The following CREBBP variants were observed in gnomAD, a reference collection of about 807,000 sequenced individuals.
CREBBP encodes the protein CREB-binding protein.
In CREBBP, 19 loss-of-function variants were observed where a neutral mutation model predicts 265.0. The ratio of observed to expected loss-of-function variants is 0.07; its 90% CI spans 0.05 to 0.11. CREBBP has a LOEUF of 0.11. Ranked by LOEUF, CREBBP falls within the 10% of genes least tolerant of loss-of-function variation. The pLI is 1.00. For missense variants in CREBBP, 2,525 were observed against 3,219.0 expected (o/e 0.78, Z 5.22); for synonymous variants, 1,457 against 1,223.7 (o/e 1.19, Z -3.98).
intron 21 of CREBBP, among the ~76,000 whole-genome samples, chr16:3,749,260 T>C (rs1240516103): frequency 6.6e-6 from 1 of 152,234 alleles, no homozygotes; most frequent in Non-Finnish European, 1.5e-5. Context: ...CTTTCTGGTA[T>C]TTCCCTTTAA....
chr16:3,757,917 A>G lies in CREBBP; in HGVS notation c.3501T>C (p.Tyr1167=), dbSNP rs2052624215. The G allele has an allele frequency of 6.2e-7, 1 of 1,614,024 alleles. No homozygotes were observed. The highest frequency in any genetic ancestry group is 8.5e-7 in the Non-Finnish European group (1 of 1,180,034). ...TATAGACTCGGGATGTCTTGCGATT[A>G]TAGAGCCAGGCATTGTTGAACATGA... ...VWLMFNNAWL[Y]NRKTSRVYKF... Residue 1167 remains tyrosine (Y), a synonymous_variant, in exon 18 of 31, where the codon TAT becomes TAC. Transcript: ENST00000262367.
intron 16 of CREBBP, among the ~76,000 whole-genome samples, chr16:3,761,102 G>A (rs1165926846): frequency 6.6e-6 from 1 of 152,020 alleles, no homozygotes; most frequent in East Asian, 1.9e-4. Context: ...TTACAGGCAT[G>A]CACCACCACA....
intron 3 of CREBBP, among the ~76,000 whole-genome samples, chr16:3,809,036 C>A (rs1256130936): frequency 6.6e-6 from 1 of 152,018 alleles, no homozygotes. Context: ...ACAGGACAAT[C>A]CTGGCAACAA....
chr16:3,838,383 C>A (rs972181085), intron 2 of CREBBP, among the ~76,000 whole-genome samples: 1 of 152,134 alleles, frequency 6.6e-6, no homozygotes, highest in Non-Finnish European at 1.5e-5. Flanking sequence ...ATAACATAAT[C>A]ACTTAATGAT....
intron 1 of CREBBP, among the ~76,000 whole-genome samples, chr16:3,871,456 C>G (rs769236945): frequency 2.6e-5 from 4 of 152,192 alleles, no homozygotes; most frequent in African/African-American, 7.2e-5. Flanking sequence ...ATATTTTAAT[C>G]CAAAGCAACT....
rs1596809970 is a variant in CREBBP, at chr16:3,738,496, A to C, written c.4394+63T>G. 5 of 984,478 alleles carry C rather than the reference A, an allele frequency of 5.1e-6. No individual in the cohort carries two copies. The East Asian group carries it at 1.2e-4, about 24-fold the overall frequency. The allele number at this position is 984,478 out of a possible 1,614,324, so 61.0% of individuals were successfully genotyped here. A position where few individuals can be genotyped will look rare whatever the true frequency, so the allele number is the denominator to read the frequency against. On this transcript the variant is annotated intron_variant, in intron 26 of 30. Transcript: ENST00000262367. ...ACTTAAAATACCCATTATTTCACGG[A>C]ATAAACATACAGTAAAAAATAAAGG...
intron 3 of CREBBP, among the ~76,000 whole-genome samples, chr16:3,794,439 T>C (rs1040220123): frequency 2.0e-5 from 3 of 151,204 alleles, no homozygotes; most frequent in Non-Finnish European, 4.4e-5. Flanking sequence ...AGCCACCTTT[T>C]GGATTTCATT....
At chr16:3,879,378 G>A (rs1407449389) in intron 1 of CREBBP, among the ~76,000 whole-genome samples, 2 of 152,196 alleles carry the variant, frequency 1.3e-5, no homozygotes, top group African/African-American at 4.8e-5. Context: ...TCTGAATGCA[G>A]CCTGGTCAAT....
At chr16:3,759,601 C>G (rs762252192) in intron 16 of CREBBP, among the ~76,000 whole-genome samples, 2 of 129,902 alleles carry the variant, frequency 1.5e-5, no homozygotes, top group East Asian at 5.1e-4. Context: ...AAAAAAAAGA[C>G]CATTTCATTG....
intron 28 of CREBBP, among the ~76,000 whole-genome samples, chr16:3,733,594 G>C (rs2051975163): frequency 6.6e-6 from 1 of 152,160 alleles, no homozygotes; most frequent in Admixed American, 6.6e-5. Context: ...ACTGCGTGCT[G>C]CAATATACTG....
chr16:3,860,518 A>G (rs966031156), intron 1 of CREBBP, among the ~76,000 whole-genome samples: 2 of 152,208 alleles, frequency 1.3e-5, no homozygotes, highest in Non-Finnish European at 2.9e-5. Context: ...GTGGCTCCAA[A>G]AAGAATTTTT....
chr16:3,745,330 G>A lies in CREBBP; in HGVS notation c.3861C>T (p.Gly1287=), dbSNP rs150890030. The change falls in exon 22 of 31, where the codon GGC becomes GGT. Residue 1287 remains glycine, a synonymous_variant. Transcript: ENST00000262367. The stretch of plus-strand genomic sequence containing the variant: ...GAACGCAAATCTGATGCATCTTCCG[G>A]CCACACTCCTTGCAATCAACGAAAC... The part of the protein sequence containing the change: ...PEPFVDCKEC[G]RKMHQICVLH... The A allele has an allele frequency of 1.9e-6, 3 of 1,614,104 alleles. No individual in the cohort carries two copies. The highest frequency in any genetic ancestry group is 2.7e-5 in the African/African-American group (2 of 75,036).
intron 1 of CREBBP, among the ~76,000 whole-genome samples, chr16:3,873,016 T>C (rs1257798633): frequency 6.6e-6 from 1 of 152,262 alleles, no homozygotes; most frequent in African/African-American, 2.4e-5. Context: ...CCAGAGTTTT[T>C]GCACTTGACT....
At position 3,802,810 on chromosome 16, in the gene CREBBP, G is replaced by C. The variant is rs914963088; in HGVS notation, c.975+7793C>G. Among the ~76,000 whole-genome samples, 10 of 152,036 alleles carry C rather than the reference G, an allele frequency of 6.6e-5. No homozygotes were observed. In the East Asian group the frequency reaches 9.7e-4, roughly 15 times the overall value. On this transcript the variant is annotated intron_variant, in intron 3 of 30. Transcript: ENST00000262367. ...TCCTCAACCTTCCACATCGCAACAG[G>C]GTCCAAACCTATGCTCCTCGGATAC... is the stretch of plus-strand genomic sequence containing the variant.
In CREBBP at chr16:3,854,295, T is replaced by C. The variant is rs550247019; in HGVS notation, c.86-3286A>G. ...ATGGATGCTCAGAAAGAAATCTCCC[T>C]CCTCTTCTTCACCAGATCTCGTCAT... is the stretch of plus-strand genomic sequence containing the variant. On this transcript the variant is annotated intron_variant, in intron 1 of 30. Coordinates refer to ENST00000262367, the MANE Select transcript of CREBBP (RefSeq NM_004380.3). 2.0e-5 allele frequency among the ~76,000 whole-genome samples: 3 copies of C among 152,266 alleles called. No individual in the cohort carries two copies. The South Asian group carries it at 6.2e-4, about 32-fold the overall frequency.
chr16:3,879,319 C>T (rs1375405016), intron 1 of CREBBP, among the ~76,000 whole-genome samples: 3 of 152,128 alleles, frequency 2.0e-5, no homozygotes, highest in African/African-American at 7.2e-5. Flanking sequence ...TCACTCATTC[C>T]AAGAAACTTC....
intron 19 of CREBBP, among the ~76,000 whole-genome samples, chr16:3,755,384 C>G (rs1282885416): frequency 6.6e-6 from 1 of 152,194 alleles, no homozygotes; most frequent in Non-Finnish European, 1.5e-5. Flanking sequence ...TAGACCAAAA[C>G]TGTGTTGGGC....
chr16:3,838,945 G>A (rs531680133), intron 2 of CREBBP, among the ~76,000 whole-genome samples: 2 of 152,284 alleles, frequency 1.3e-5, no homozygotes, highest in South Asian at 4.1e-4. Flanking sequence ...TATTTTATGT[G>A]GCACAGCACC....
rs762999259 is a variant in CREBBP, at chr16:3,871,174, A to ATC, written c.85+8656_85+8657dup. ...GCAGGGTAAAAAGCCCCTTTTAGAG[A>ATC]TCTCTCTCTCTCTCTCTCTCTCACT... On this transcript the variant is annotated intron_variant, in intron 1 of 30. Coordinates refer to ENST00000262367, the MANE Select transcript of CREBBP (RefSeq NM_004380.3). Among the ~76,000 whole-genome samples, 765 of 127,408 alleles carry ATC rather than the reference A, an allele frequency of 6.0e-3. 2 individuals carry two copies. Among genetic ancestry groups the ATC allele is most frequent in the Non-Finnish European group, 9.4e-3 (563 of 59,768 alleles). 83.6% of individuals were successfully genotyped at this position (127,408 alleles called of 152,430 possible). A position where few individuals can be genotyped will look rare whatever the true frequency, so the allele number is the denominator to read the frequency against.
Sources: allele counts gnomAD v4.1 joint callset (sites outside exome capture counted in the v4.1 genomes callset), GRCh38; gene constraint gnomAD v4.1.1; transcripts MANE v1.5; gene names NCBI Gene and HGNC (gene_info 2026-07-23, HGNC 2026-07-21).